ZNF334: variants seen among roughly 807,000 people sequenced by gnomAD.
ZNF334 encodes zinc finger protein 334.
Under a neutral mutation model 12.4 loss-of-function variants are expected in ZNF334, and 14 were observed. The ratio of observed to expected loss-of-function variants is 1.13; its 90% CI spans 0.74 to 1.76. ZNF334 has a LOEUF of 1.76. Among genes scored for constraint, ZNF334 ranks in the 40% most tolerant of loss-of-function variants. The pLI, the probability that ZNF334 is intolerant of heterozygous loss-of-function variation, is 0.00. For missense variants in ZNF334, 797 were observed against 804.5 expected, an observed-to-expected ratio of 0.99 and a Z score of 0.11; for synonymous variants, 273 against 269.6, an observed-to-expected ratio of 1.01 and a Z score of -0.12.
At chr20:46,467,349 C>A in the ZNF334 span, among the ~76,000 whole-genome samples, 5 of 152,052 alleles carry the variant, frequency 3.3e-5, no homozygotes, top group African/African-American at 1.2e-4. Context: ...ATACCAAATA[C>A]AGGGAAAAAA....
chr20:46,477,042 G>C, the ZNF334 span: 1 of 152,206 alleles, frequency 6.6e-6, no homozygotes, highest in African/African-American at 2.4e-5. Context: ...CGTGATAGGA[G>C]ACTCTCAAAA....
intron 2 of ZNF334, chr20:46,505,801 A>G (rs1365836238): frequency 1.3e-5 from 2 of 153,478 alleles, no homozygotes; most frequent in Non-Finnish European, 2.9e-5. Context: ...TTGTCCTCTA[A>G]AGAAAACATT....
At chr20:46,509,532 G>T in intron 2 of ZNF334, 1 of 702,824 alleles carries the variant, frequency 1.4e-6, no homozygotes, top group Non-Finnish European at 2.6e-6. Flanking sequence ...ACATCTCTGG[G>T]AGGACCACCA....
Position 46,502,224 on chromosome 20 carries a change from CTG to C in ZNF334, c.1113_1114del (p.His371GlnfsTer7). The C allele has an allele frequency of 6.2e-7, 1 of 1,614,024 alleles. No individual in the cohort carries two copies. The highest frequency in any genetic ancestry group is 1.1e-5 in the South Asian group (1 of 91,076). ...CTTACATTCATTTGGCTTCTCTCCTCTGTGAGTTCTTTGATGTACAACAAGAT... is the reference window on the plus strand; with the variant it reads ...CTTACATTCATTTGGCTTCTCTCCTCTGAGTTCTTTGATGTACAACAAGAT... On this transcript the variant is annotated frameshift_variant, in exon 5 of 5. Transcript: ENST00000692313. LOFTEE classifies it low-confidence loss of function (END_TRUNC).
In ZNF334 at chr20:46,501,567, T is replaced by C; in HGVS notation, c.1772A>G (p.Gln591Arg). 3 of 1,614,150 alleles carry C rather than the reference T, an allele frequency of 1.9e-6. No individual in the cohort carries two copies. Among genetic ancestry groups the C allele is most frequent in the Non-Finnish European group, 2.5e-6 (3 of 1,179,998 alleles). ...TGGTTTCTCCCCAGTGTGAGTTCGC[T>C]GATGTTCAACAAAGGAGAACTTCTG... The part of the protein sequence containing the change: ...FCQKFSFVEH[Q>R]RTHTGEKPYE... The change falls in exon 5 of 5, where the codon CAG becomes CGG. Residue 591 changes from glutamine to arginine, a missense_variant. By Grantham distance (43) the Gln-to-Arg change is conservative. Coordinates refer to ENST00000692313, the MANE Select transcript of ZNF334 (RefSeq NM_001353824.2).
In ZNF334 at chr20:46,502,231, T is replaced by C. The variant is rs542643861; in HGVS notation, c.1108A>G (p.Thr370Ala). ...KKSYLVVHQRTHRGEKPNECK... is the reference protein window; with the variant it reads ...KKSYLVVHQRAHRGEKPNECK... ...TCATTTGGCTTCTCTCCTCTGTGAG[T>C]TCTTTGATGTACAACAAGATACGAT... The change falls in exon 5 of 5, where the codon ACT becomes GCT. Residue 370 changes from threonine (T) to alanine (A), a missense_variant. Coordinates refer to ENST00000692313, the MANE Select transcript of ZNF334 (RefSeq NM_001353824.2). 1 of 1,614,150 alleles carries C rather than the reference T, an allele frequency of 6.2e-7. No homozygotes were observed. The highest frequency in any genetic ancestry group is 1.1e-5 in the South Asian group (1 of 91,082).
the ZNF334 span, among the ~76,000 whole-genome samples, chr20:46,472,320 T>C: frequency 2.6e-5 from 4 of 152,172 alleles, no homozygotes; most frequent in Non-Finnish European, 5.9e-5. Context: ...AAGTTCCCCA[T>C]TCTAATGAGG....
chr20:46,499,750 G>T lies in ZNF334; in HGVS notation c.*1546C>A, dbSNP rs2061090334. ...AATACATTTCACAGGAAAAGAGCAA[G>T]ATCAGTATACACATACACATACATT... On this transcript the variant is annotated 3_prime_UTR_variant, in exon 5 of 5. Transcript: ENST00000692313. 6.6e-6 allele frequency: 1 copy of T among 152,122 alleles called. No individual in the cohort carries two copies. Among genetic ancestry groups the T allele is most frequent in the Non-Finnish European group, 1.5e-5 (1 of 68,040 alleles). The allele number at this position is 152,122 out of a possible 1,614,324, so 9.4% of individuals were successfully genotyped here.
chr20:46,512,176 G>T, intron 1 of ZNF334, 36 bp from the exon 2 acceptor site: 1 of 1,538,668 alleles, frequency 6.5e-7, no homozygotes, highest in Non-Finnish European at 9.0e-7. Flanking sequence ...AATCATGAGC[G>T]ATTTGGCTCA....
chr20:46,478,557 G>A, the ZNF334 span, among the ~76,000 whole-genome samples: 1 of 152,294 alleles, frequency 6.6e-6, no homozygotes, highest in Admixed American at 6.5e-5. Context: ...TAGAGAGTCT[G>A]TTCTCTCAGT....
chr20:46,475,995 C>T, the ZNF334 span, among the ~76,000 whole-genome samples: 1 of 152,072 alleles, frequency 6.6e-6, no homozygotes, highest in East Asian at 1.9e-4. Flanking sequence ...TTGTAATAGC[C>T]CCAAACAGGA....
chr20:46,508,195 T>C (rs1174569943), intron 2 of ZNF334, among the ~76,000 whole-genome samples: 4 of 152,204 alleles, frequency 2.6e-5, no homozygotes, highest in South Asian at 2.1e-4. Flanking sequence ...TGATGATCCA[T>C]TCAGAGCAGA....
At chr20:46,481,641 A>T in the ZNF334 span, among the ~76,000 whole-genome samples, 56 of 152,312 alleles carry the variant, frequency 3.7e-4, no homozygotes, top group Non-Finnish European at 7.3e-4. Flanking sequence ...GGAGAGCTGG[A>T]GCAGGGCACA....
At position 46,512,927 on chromosome 20, in the gene ZNF334, G is replaced by C. The variant is rs995154938; in HGVS notation, c.-426C>G. 1 of 152,252 alleles carries C rather than the reference G, an allele frequency of 6.6e-6. No homozygotes were observed. Among genetic ancestry groups the C allele is most frequent in the Admixed American group, 6.5e-5 (1 of 15,288 alleles). 9.4% of individuals were successfully genotyped at this position (152,252 alleles called of 1,614,324 possible). A position where few individuals can be genotyped will look rare whatever the true frequency, so the allele number is the denominator to read the frequency against. On this transcript the variant is annotated 5_prime_UTR_variant, in exon 1 of 5. Transcript: ENST00000692313. ...TGATGAACATGGTTGGTGCAGCTCTGAATAAACAGAGGGTGGAGATGGTAG... is the reference window on the plus strand; with the variant it reads ...TGATGAACATGGTTGGTGCAGCTCTCAATAAACAGAGGGTGGAGATGGTAG...
the ZNF334 span, chr20:46,492,105 A>G: frequency 6.6e-6 from 1 of 152,616 alleles, no homozygotes; most frequent in Non-Finnish European, 1.5e-5. Context: ...CTTAACAAAC[A>G]TCAGAAAACT....
chr20:46,466,522 T>C, the ZNF334 span, among the ~76,000 whole-genome samples: 14,064 of 152,256 alleles, frequency 0.092, 749 homozygotes, highest in African/African-American at 0.16. Context: ...CTCGCTCCGT[T>C]GCCCAGACTT....
At position 46,503,091 on chromosome 20, in the gene ZNF334, T is replaced by C. The variant is rs1479981404; in HGVS notation, c.248A>G (p.Asp83Gly). Residue 83 changes from aspartate to glycine, a missense_variant, in exon 5 of 5, where the codon GAT becomes GGT. Asp to Gly is a moderately conservative substitution (Grantham distance 94). Transcript: ENST00000692313. ...EFSNQNYPDI[D>G]DALEKNKEIQ... The stretch of plus-strand genomic sequence containing the variant: ...TTCCTTGTTCTTCTCTAAGGCATCA[T>C]CAATGTCTAGAAAAAGGAACACAAT... 1.3e-6 allele frequency: 2 copies of C among 1,590,020 alleles called. No individual in the cohort carries two copies. Among genetic ancestry groups the C allele is most frequent in the Admixed American group, 3.6e-5 (2 of 55,458 alleles).
At chr20:46,469,317 G>A in the ZNF334 span, among the ~76,000 whole-genome samples, 1 of 151,908 alleles carries the variant, frequency 6.6e-6, no homozygotes, top group African/African-American at 2.4e-5. Context: ...AGGCACTCCC[G>A]GACGGTAGCA....
chr20:46,503,069 C>G lies in ZNF334; in HGVS notation c.270G>C (p.Lys90Asn). Residue 90 changes from lysine (K) to asparagine (N), a missense_variant, in exon 5 of 5, where the codon AAG becomes AAC. Lys to Asn is a moderately conservative substitution (Grantham distance 94, BLOSUM62 0). Transcript: ENST00000692313. ...GTGTCAAATGTTTATCTTGGATTTC[C>G]TTGTTCTTCTCTAAGGCATCATCAA... ...PDIDDALEKN[K>N]EIQDKHLTQT... 1 of 1,608,098 alleles carries G rather than the reference C, an allele frequency of 6.2e-7. No individual in the cohort carries two copies. The highest frequency in any genetic ancestry group is 2.2e-5 in the East Asian group (1 of 44,758).
Sources: allele counts gnomAD v4.1 joint callset (sites outside exome capture counted in the v4.1 genomes callset), GRCh38; gene constraint gnomAD v4.1.1; transcripts MANE v1.5; gene names NCBI Gene and HGNC (gene_info 2026-07-23, HGNC 2026-07-21).